The following LAMB1 variants were observed in gnomAD, a reference collection of about 807,000 sequenced individuals.
The protein encoded by LAMB1 is laminin subunit beta 1.
Under a neutral mutation model 222.3 loss-of-function variants are expected in LAMB1, and 121 were observed. The observed-to-expected ratio is 0.54, with a 90% CI of 0.47 to 0.63. The LOEUF (loss-of-function observed/expected upper bound fraction) is 0.63. Ranked by LOEUF, LAMB1 falls within the 30% of genes least tolerant of loss-of-function variation. The pLI is 0.00. For synonymous variants in LAMB1, 794 were observed against 807.2 expected (o/e 0.98, Z 0.28); for missense variants, 2,172 against 2,240.8 (o/e 0.97, Z 0.62).
intron 5 of LAMB1, among the ~76,000 whole-genome samples, chr7:107,991,075 G>T (rs377387900): frequency 6.6e-6 from 1 of 151,892 alleles, no homozygotes; most frequent in African/African-American, 2.4e-5. Context: ...TTTTTTTTTG[G>T]TATTAATTTT....
chr7:107,935,463 TTCA>T lies in LAMB1; in HGVS notation c.4137_4139del (p.Asp1379del). ...CTAGGCTTTGTAGCTTGCCTGCCAG[TTCA>T]TCAAGGAGGCGAGCCTGCTCCTCTT... is the stretch of plus-strand genomic sequence containing the variant. On this transcript the variant is annotated inframe_deletion, in exon 27 of 34. Transcript: ENST00000222399. 6.2e-7 allele frequency: 1 copy of T among 1,610,942 alleles called. No individual in the cohort carries two copies. Among genetic ancestry groups the T allele is most frequent in the Non-Finnish European group, 8.5e-7 (1 of 1,178,882 alleles).
intron 27 of LAMB1, among the ~76,000 whole-genome samples, chr7:107,933,866 C>G (rs1048150924): frequency 6.6e-6 from 1 of 152,162 alleles, no homozygotes; most frequent in African/African-American, 2.4e-5. Context: ...AACCCCGAAC[C>G]CCACCCACCG....
chr7:107,983,887 T>C, intron 7 of LAMB1, among the ~76,000 whole-genome samples: 1 of 152,126 alleles, frequency 6.6e-6, no homozygotes. Context: ...AGAGCAGTTG[T>C]TGAATGTGGT....
chr7:107,986,094 G>T lies in LAMB1; in HGVS notation c.613-9C>A. The T allele has an allele frequency of 6.2e-7, 1 of 1,611,802 alleles. No individual in the cohort carries two copies. The highest frequency in any genetic ancestry group is 8.5e-7 in the Non-Finnish European group (1 of 1,177,940). On this transcript the variant is annotated splice_polypyrimidine_tract_variant and intron_variant, in intron 6 of 33. Transcript: ENST00000222399. ...AAAGCACGAAATATCACCTAAAAATGGAAACAAGAGTAATTGGTACTTCTG... is the reference window on the plus strand; with the variant it reads ...AAAGCACGAAATATCACCTAAAAATTGAAACAAGAGTAATTGGTACTTCTG...
chr7:107,925,586 T>A (rs1207684212), intron 32 of LAMB1, among the ~76,000 whole-genome samples: 1 of 152,218 alleles, frequency 6.6e-6, no homozygotes, highest in Non-Finnish European at 1.5e-5. Context: ...TTTAATGTTC[T>A]CTTTAGAAAT....
At chr7:107,938,126 T>C (rs2032891154) in intron 25 of LAMB1, among the ~76,000 whole-genome samples, 1 of 152,142 alleles carries the variant, frequency 6.6e-6, no homozygotes, top group African/African-American at 2.4e-5. Flanking sequence ...CCTAATTGAA[T>C]GTAATTGTCT....
chr7:107,982,472 T>C (rs1390360853), intron 7 of LAMB1, among the ~76,000 whole-genome samples: 1 of 152,182 alleles, frequency 6.6e-6, no homozygotes, highest in Non-Finnish European at 1.5e-5. Flanking sequence ...GTGTTAAACT[T>C]AGGTTCTTTG....
chr7:107,924,380 C>T lies in LAMB1; in HGVS notation c.5074G>A (p.Gly1692Ser). ...TTTTTATACTTTTCATCAAGTTCAC[C>T]ATCTAAAGTCTATAGTTCCACATTT... is the stretch of plus-strand genomic sequence containing the variant. ...SAEDVKKTLD[G>S]ELDEKYKKVE... The change falls in exon 33 of 34, where the codon GGT becomes AGT. Residue 1692 changes from glycine (G) to serine (S), a missense_variant. Gly to Ser is a moderately conservative substitution (Grantham distance 56). Transcript: ENST00000222399. 1.2e-6 allele frequency: 2 copies of T among 1,604,714 alleles called. No homozygotes were observed. The highest frequency in any genetic ancestry group is 2.2e-5 in the South Asian group (2 of 89,796).
At chr7:107,957,101 A>C (rs1342960268) in intron 20 of LAMB1, among the ~76,000 whole-genome samples, 1 of 152,204 alleles carries the variant, frequency 6.6e-6, no homozygotes, top group Non-Finnish European at 1.5e-5. Context: ...GAAAAGCTGG[A>C]TATTCCGGCC....
intron 13 of LAMB1, among the ~76,000 whole-genome samples, chr7:107,968,627 C>T (rs753735392): frequency 2.6e-5 from 4 of 151,976 alleles, no homozygotes; most frequent in Non-Finnish European, 5.9e-5. Context: ...CCCAGTGGTA[C>T]CTTTGAAGAT....
At chr7:107,997,161 C>T (rs1349671525) in intron 4 of LAMB1, among the ~76,000 whole-genome samples, 3 of 152,122 alleles carry the variant, frequency 2.0e-5, no homozygotes, top group South Asian at 4.1e-4. Flanking sequence ...TGGTGGTTCA[C>T]ACCTGTAATC....
At chr7:107,990,365 A>G (rs971100846) in intron 5 of LAMB1, among the ~76,000 whole-genome samples, 2 of 152,104 alleles carry the variant, frequency 1.3e-5, no homozygotes, top group African/African-American at 4.8e-5. Context: ...TGAAACATCT[A>G]GTAATATAGA....
intron 25 of LAMB1, among the ~76,000 whole-genome samples, chr7:107,937,522 C>A (rs918970579): frequency 6.6e-6 from 1 of 152,156 alleles, no homozygotes; most frequent in South Asian, 2.1e-4. Context: ...TTGTGGCAGA[C>A]AAGCCATTTA....
At chr7:107,924,477 T>C in intron 32 of LAMB1, 88 bp from the exon 33 acceptor site, 1 of 1,048,426 alleles carries the variant, frequency 9.5e-7, no homozygotes, top group South Asian at 1.9e-5. Flanking sequence ...TGGCATGCAT[T>C]CTGGATTAAG....
chr7:107,996,651 C>T (rs1401217784), intron 4 of LAMB1, among the ~76,000 whole-genome samples: 2 of 152,208 alleles, frequency 1.3e-5, no homozygotes, highest in Non-Finnish European at 2.9e-5. Context: ...ACTCAAGCCC[C>T]TCTACTGGAA....
intron 4 of LAMB1, among the ~76,000 whole-genome samples, chr7:107,997,579 G>T (rs560397044): frequency 6.6e-6 from 1 of 152,100 alleles, no homozygotes; most frequent in Non-Finnish European, 1.5e-5. Flanking sequence ...GCTTTTTAAC[G>T]GCCAGGGTTA....
chr7:107,983,861 A>T (rs568290321), intron 7 of LAMB1, among the ~76,000 whole-genome samples: 6 of 152,118 alleles, frequency 3.9e-5, no homozygotes, highest in Non-Finnish European at 8.8e-5. Context: ...GAAGATTAAA[A>T]TGTAATTGTG....
chr7:107,959,450 T>G lies in LAMB1; in HGVS notation c.2489A>C (p.Asn830Thr). ...PCECHLQGSV[N>T]AFCNPVTGQC... ...GCCAGTGACGGGATTGCAGAAGGCA[T>G]TGACAGATCCTTGCAGATGGCACTC... The change falls in exon 20 of 34, where the codon AAT becomes ACT. Residue 830 changes from asparagine (N) to threonine (T), a missense_variant. Physicochemically the swap from Asn to Thr is moderately conservative, Grantham distance 65. Coordinates refer to ENST00000222399, the MANE Select transcript of LAMB1 (RefSeq NM_002291.3). 1.2e-6 allele frequency: 2 copies of G among 1,614,130 alleles called. No individual in the cohort carries two copies. The highest frequency in any genetic ancestry group is 1.7e-6 in the Non-Finnish European group (2 of 1,180,028).
rs1282801243 is a variant in LAMB1, at chr7:107,945,063, C to T, written c.3392-4705G>A. Among the ~76,000 whole-genome samples, 5 of 152,150 alleles carry T rather than the reference C, an allele frequency of 3.3e-5. No individual in the cohort carries two copies. In the East Asian group the frequency reaches 7.7e-4, roughly 23 times the overall value. ...GTTGTTGCCTAATCTTTAAGATGAACAAATCATGAAGATGAAGAATAGTAT... is the reference window on the plus strand; with the variant it reads ...GTTGTTGCCTAATCTTTAAGATGAATAAATCATGAAGATGAAGAATAGTAT... On this transcript the variant is annotated intron_variant, in intron 24 of 33. Transcript: ENST00000222399.
Sources: allele counts gnomAD v4.1 joint callset (sites outside exome capture counted in the v4.1 genomes callset), GRCh38; gene constraint gnomAD v4.1.1; transcripts MANE v1.5; gene names NCBI Gene and HGNC (gene_info 2026-07-23, HGNC 2026-07-21).